Variants in SWT1 observed in about 807,000 individuals in gnomAD.
SWT1 encodes the protein transcriptional protein SWT1.
In SWT1, 33 loss-of-function variants were observed where a neutral mutation model predicts 107.3. That is an observed-to-expected ratio of 0.31 (90% CI 0.23 to 0.41). SWT1 has a LOEUF of 0.41. Ranked by LOEUF, SWT1 falls within the 10% of genes least tolerant of loss-of-function variation. SWT1 has a pLI of 1.00. For missense variants in SWT1, 898 were observed against 1,028.9 expected (o/e 0.87, Z 1.74); for synonymous variants, 345 against 348.3 (o/e 0.99, Z 0.11).
intron 16 of SWT1, among the ~76,000 whole-genome samples, chr1:185,256,788 G>A (rs1316126127): frequency 6.6e-6 from 1 of 152,160 alleles, no homozygotes; most frequent in Non-Finnish European, 1.5e-5. Context: ...GCTCGTCAAA[G>A]TCATTCTCCA....
At chr1:185,276,563 T>C in intron 17 of SWT1, 41 bp from the exon 18 acceptor site, 6 of 1,258,832 alleles carry the variant, frequency 4.8e-6, no homozygotes, top group Non-Finnish European at 6.8e-6. Context: ...ATCACTCACT[T>C]TAATATATAT....
In SWT1 at chr1:185,174,687, A is replaced by AG; in HGVS notation, c.541dup (p.Glu181GlyfsTer13). 6.2e-7 allele frequency: 1 copy of AG among 1,613,828 alleles called. No individual in the cohort carries two copies. The highest frequency in any genetic ancestry group is 1.3e-5 in the African/African-American group (1 of 75,050). On this transcript the variant is annotated frameshift_variant, in exon 5 of 19. Coordinates refer to ENST00000367500, the MANE Select transcript of SWT1 (RefSeq NM_017673.7). LOFTEE classifies it high-confidence loss of function. ...AATGGTCTCATTTACTTGTTCAGAGAGAGAAGATGAAAGAACTCAAGAAAG... is the reference window on the plus strand; with the variant it reads ...AATGGTCTCATTTACTTGTTCAGAGAGGAGAAGATGAAAGAACTCAAGAAAG...
At chr1:185,170,724 G>A (rs1444599106) in intron 4 of SWT1, among the ~76,000 whole-genome samples, 11 of 152,166 alleles carry the variant, frequency 7.2e-5, no homozygotes, top group African/African-American at 2.4e-4. Context: ...TTTAACAGTC[G>A]TTGTCCAGAC....
rs376614295 is a variant in SWT1 at position 185,231,579 on chromosome 1, C to T, written c.2312C>T (p.Thr771Met). 40 of 1,603,376 alleles carry T rather than the reference C, an allele frequency of 2.5e-5. No homozygotes were observed. The highest frequency in any genetic ancestry group is 1.1e-4 in the South Asian group (10 of 90,246). ...SVWITIYQNS[T>M]DVFQRLGSNS... ...TATCTTTTTTTTCTCTATTTTAGCA[C>T]GGATGTATTTCAAAGATTGGGCTCA... The change falls in exon 16 of 19, where the codon ACG (threonine) becomes ATG (methionine). Residue 771 changes from threonine to methionine, a missense_variant and splice_region_variant. Transcript: ENST00000367500.
chr1:185,195,381 C>T (rs1657298500), intron 10 of SWT1, among the ~76,000 whole-genome samples: 1 of 152,296 alleles, frequency 6.6e-6, no homozygotes, highest in East Asian at 1.9e-4. Flanking sequence ...GCCACATTTT[C>T]TTAATCCAGT....
chr1:185,290,551 C>T (rs896911955), intron 18 of SWT1, 123 bp from the exon 19 acceptor site: 5 of 558,918 alleles, frequency 8.9e-6, no homozygotes, highest in African/African-American at 3.9e-5. Flanking sequence ...TTCAGAATAT[C>T]ATGTTATACA....
At chr1:185,214,049 A>G in intron 13 of SWT1, among the ~76,000 whole-genome samples, 1 of 152,132 alleles carries the variant, frequency 6.6e-6, no homozygotes, top group East Asian at 1.9e-4. Context: ...ATGGAGTTGA[A>G]GATAAATCAC....
chr1:185,193,160 A>T (rs1215695857), intron 10 of SWT1, among the ~76,000 whole-genome samples: 1 of 151,964 alleles, frequency 6.6e-6, no homozygotes, highest in East Asian at 1.9e-4. Flanking sequence ...GGTTATTTAG[A>T]TGTTTGTTGC....
intron 4 of SWT1, among the ~76,000 whole-genome samples, chr1:185,173,873 G>T (rs1314026327): frequency 6.6e-6 from 1 of 152,058 alleles, no homozygotes; most frequent in African/African-American, 2.4e-5. Context: ...ACAAAAATTA[G>T]CTAGGCATTG....
chr1:185,191,223 G>GT (rs200404000), intron 10 of SWT1, among the ~76,000 whole-genome samples: 3,332 of 152,172 alleles, frequency 0.022, 67 homozygotes, highest in Non-Finnish European at 0.035. Flanking sequence ...TAAGATCTCA[G>GT]TAAGTTTTCT....
intron 16 of SWT1, among the ~76,000 whole-genome samples, chr1:185,257,550 G>A (rs113322151): frequency 1.7e-4 from 26 of 152,290 alleles, no homozygotes; most frequent in African/African-American, 6.3e-4. Flanking sequence ...TTTTCCAGGC[G>A]CGTCTGTCAC....
At position 185,188,342 on chromosome 1, in the gene SWT1, G is replaced by C. The variant is rs958858825; in HGVS notation, c.1430-2207G>C. Among the ~76,000 whole-genome samples, 8 of 152,328 alleles carry C rather than the reference G, an allele frequency of 5.3e-5. No individual in the cohort carries two copies. In the East Asian group the frequency reaches 1.5e-3, roughly 29 times the overall value. On this transcript the variant is annotated intron_variant, in intron 9 of 18. Transcript: ENST00000367500. The stretch of plus-strand genomic sequence containing the variant: ...TTTGATACTGTTACAGCAGTGCACT[G>C]TTACTTTTAAGCCTCCTTTTATCTG...
chr1:185,186,050 G>A (rs915084120), intron 9 of SWT1, among the ~76,000 whole-genome samples: 7 of 152,086 alleles, frequency 4.6e-5, no homozygotes, highest in Admixed American at 2.6e-4. Context: ...TAACCCGGGG[G>A]AAGTTAAAGG....
chr1:185,222,705 C>T (rs575718830), intron 15 of SWT1, among the ~76,000 whole-genome samples: 4 of 129,358 alleles, frequency 3.1e-5, no homozygotes, highest in East Asian at 5.0e-4. Flanking sequence ...GTGGAGGTTG[C>T]GGTGAACTGA....
chr1:185,198,752 G>A lies in SWT1; in HGVS notation c.1524-3902G>A, dbSNP rs547396163. 4.4e-4 allele frequency among the ~76,000 whole-genome samples: 62 copies of A among 142,090 alleles called. No individual in the cohort carries two copies. The South Asian group carries it at 0.014, about 32-fold the overall frequency. 93.2% of individuals were successfully genotyped at this position (142,090 alleles called of 152,430 possible). A position where few individuals can be genotyped will look rare whatever the true frequency, so the allele number is the denominator to read the frequency against. ...ATCAGAGACTAGGATTGCAACCCCT[G>A]TTTTTTTTTGTTTTTTTTTTTTGCT... On this transcript the variant is annotated intron_variant, in intron 10 of 18. Coordinates refer to ENST00000367500, the MANE Select transcript of SWT1 (RefSeq NM_017673.7).
intron 16 of SWT1, among the ~76,000 whole-genome samples, chr1:185,236,511 G>A: frequency 6.6e-6 from 1 of 152,182 alleles, no homozygotes; most frequent in East Asian, 1.9e-4. Context: ...AAACTGGCTA[G>A]CCATATGCAG....
At chr1:185,178,715 T>A (rs1200608) in intron 5 of SWT1, among the ~76,000 whole-genome samples, 149,976 of 152,360 alleles carry the variant, frequency 0.98, 73,837 homozygotes, top group East Asian at 1. Flanking sequence ...ACAAGTTCTG[T>A]TAATAATCTC....
intron 4 of SWT1, among the ~76,000 whole-genome samples, chr1:185,168,777 A>G (rs1654804353): frequency 6.6e-6 from 1 of 152,208 alleles, no homozygotes; most frequent in African/African-American, 2.4e-5. Context: ...TATGTATCTT[A>G]TAGAATTGAT....
chr1:185,180,333 G>A (rs1655915822), intron 5 of SWT1, 58 bp from the exon 6 acceptor site: 2 of 1,418,612 alleles, frequency 1.4e-6, no homozygotes, highest in East Asian at 2.3e-5. Context: ...TGACAAGGTT[G>A]AAAAACCCTA....
Sources: allele counts gnomAD v4.1 joint callset (sites outside exome capture counted in the v4.1 genomes callset), GRCh38; gene constraint gnomAD v4.1.1; transcripts MANE v1.5; gene names NCBI Gene and HGNC (gene_info 2026-07-23, HGNC 2026-07-21).